MS4A8: variants seen among roughly 807,000 people sequenced by gnomAD.
The protein encoded by MS4A8 is membrane spanning 4-domains A8.
A neutral mutation model predicts 23.7 loss-of-function variants in MS4A8; 27 were observed. That is an observed-to-expected ratio of 1.14 (90% confidence interval 0.84 to 1.57). MS4A8 has a LOEUF of 1.57. MS4A8 is among the 40% of genes most tolerant of loss of function. The pLI is 0.00. For missense variants in MS4A8, 301 were observed against 311.4 expected, an observed-to-expected ratio of 0.97 and a Z score of 0.25; for synonymous variants, 138 against 126.3, an observed-to-expected ratio of 1.09 and a Z score of -0.62.
intron 3 of MS4A8, among the ~76,000 whole-genome samples, chr11:60,704,883 T>TAC (rs142872210): frequency 0.04 from 5,681 of 142,226 alleles, 333 homozygotes; most frequent in African/African-American, 0.14. Flanking sequence ...CACACACACA[T>TAC]ACACACACAC....
In MS4A8 at chr11:60,715,663, T is replaced by C. The variant is rs2134664613; in HGVS notation, c.*249T>C. 2.1e-6 allele frequency: 1 copy of C among 480,850 alleles called. No homozygotes were observed. Among genetic ancestry groups the C allele is most frequent in the Non-Finnish European group, 3.7e-6 (1 of 266,976 alleles). 29.8% of individuals were successfully genotyped at this position (480,850 alleles called of 1,614,324 possible). ...TAGGGCACATGCATCAGCACATATG[T>C]GGGCATCCAGCCTCTGGGGCCTTGG... On this transcript the variant is annotated 3_prime_UTR_variant, in exon 7 of 7. Coordinates refer to ENST00000300226, the MANE Select transcript of MS4A8 (RefSeq NM_031457.2).
In MS4A8 at chr11:60,715,045, G is replaced by A. The variant is rs560863829; in HGVS notation, c.559G>A (p.Val187Met). Residue 187 changes from valine (V) to methionine (M), a missense_variant, in exon 6 of 7, where the codon GTG (valine) becomes ATG (methionine). Physicochemically the swap from Val to Met is conservative, Grantham distance 21. Coordinates refer to ENST00000300226, the MANE Select transcript of MS4A8 (RefSeq NM_031457.2). ...GAACCCTGGAATGGCGATTTCTGGC[G>A]TGCTGCTGGTCTTCTGCCTCCTGGA... is the stretch of plus-strand genomic sequence containing the variant. ...GVNPGMAISG[V>M]LLVFCLLEFG... 342 of 1,613,914 alleles carry A rather than the reference G, an allele frequency of 2.1e-4. No homozygotes were observed. The highest frequency in any genetic ancestry group is 2.5e-4 in the Admixed American group (15 of 59,996).
At chr11:60,709,188 A>G in intron 5 of MS4A8, 1 of 233,616 alleles carries the variant, frequency 4.3e-6, no homozygotes, top group South Asian at 5.7e-5. Flanking sequence ...TCATGTAGCT[A>G]TAGCTGCCTT....
chr11:60,706,193 A>T (rs535166643), intron 3 of MS4A8, among the ~76,000 whole-genome samples: 1 of 152,330 alleles, frequency 6.6e-6, no homozygotes, highest in African/African-American at 2.4e-5. Flanking sequence ...TTTTCTAAAA[A>T]AGCATTTTCT....
chr11:60,703,762 G>A lies in MS4A8; in HGVS notation c.342+262G>A, dbSNP rs1344601877. On this transcript the variant is annotated intron_variant, in intron 3 of 6. Transcript: ENST00000300226. ...ACAGTTCTGGCGGCTGAAAGTCTGC[G>A]ATGGAGATGTTAGCAGATGTTTTCC... Among the ~76,000 whole-genome samples, 4 of 152,200 alleles carry A rather than the reference G, an allele frequency of 2.6e-5. No individual in the cohort carries two copies. The East Asian group carries it at 7.7e-4, about 29-fold the overall frequency.
At chr11:60,713,972 CG>C (rs1327354750) in intron 5 of MS4A8, among the ~76,000 whole-genome samples, 3 of 135,986 alleles carry the variant, frequency 2.2e-5, no homozygotes, top group Non-Finnish European at 4.5e-5. Context: ...GGCCGGACTG[CG>C]GACTGCAGTG....
intron 2 of MS4A8, 89 bp downstream of exon 2, chr11:60,701,168 A>G: frequency 8.0e-7 from 1 of 1,253,728 alleles, no homozygotes; most frequent in Admixed American, 1.9e-5. Flanking sequence ...CACAAACACT[A>G]CATCCCGCAA....
rs965063401 is a variant in MS4A8 at position 60,714,959 on chromosome 11, T to TGAGAG, written c.535-60_535-56dup. On this transcript the variant is annotated intron_variant, in intron 5 of 6. Coordinates refer to ENST00000300226, the MANE Select transcript of MS4A8 (RefSeq NM_031457.2). ...CAAAGAGTCCATGGCAGGGCCCCAG[T>TGAGAG]GAGAGGTCAGTTCGGACTCCCAGTC... 95 of 1,160,328 alleles carry TGAGAG rather than the reference T, an allele frequency of 8.2e-5. No homozygotes were observed. In the African/African-American group the frequency reaches 1.3e-3, roughly 16 times the overall value. The allele number at this position is 1,160,328 out of a possible 1,614,324, so 71.9% of individuals were successfully genotyped here. A position where few individuals can be genotyped will look rare whatever the true frequency, so the allele number is the denominator to read the frequency against.
intron 4 of MS4A8, among the ~76,000 whole-genome samples, chr11:60,707,412 G>C (rs1417959601): frequency 2.0e-5 from 3 of 152,210 alleles, no homozygotes; most frequent in East Asian, 1.9e-4. Flanking sequence ...AGCAGACCAG[G>C]AGCCAAGAGT....
intron 5 of MS4A8, chr11:60,711,908 A>G: frequency 2.2e-6 from 1 of 455,546 alleles, no homozygotes; most frequent in Non-Finnish European, 4.4e-6. Context: ...CAGTCATCCC[A>G]TCTGAACATG....
intron 2 of MS4A8, among the ~76,000 whole-genome samples, chr11:60,702,849 A>G (rs769131815): frequency 5.9e-5 from 9 of 152,236 alleles, no homozygotes; most frequent in Non-Finnish European, 8.8e-5. Context: ...ATTTCAACAC[A>G]TGAATTTGGA....
chr11:60,713,445 A>G lies in MS4A8; in HGVS notation c.535-1576A>G, dbSNP rs559700254. On this transcript the variant is annotated intron_variant, in intron 5 of 6. Transcript: ENST00000300226. ...TAAACACGTGAACAAATGTCTCTGC[A>G]TCATAAACAAGGTAAAGAAAAAAGT... Among the ~76,000 whole-genome samples, 190 of 152,300 alleles carry G rather than the reference A, an allele frequency of 1.2e-3. 1 individual carries two copies. Among genetic ancestry groups the G allele is most frequent in the Non-Finnish European group, 2.0e-3 (136 of 68,032 alleles).
At chr11:60,712,799 A>T (rs1187487682) in intron 5 of MS4A8, among the ~76,000 whole-genome samples, 1 of 152,062 alleles carries the variant, frequency 6.6e-6, no homozygotes, top group Non-Finnish European at 1.5e-5. Context: ...CTCAAAAAAA[A>T]AAAAAATTAA....
rs904556139 is a variant in MS4A8, at chr11:60,707,910, G to A, written c.403-740G>A. Among the ~76,000 whole-genome samples, 6 of 141,624 alleles carry A rather than the reference G, an allele frequency of 4.2e-5. No individual in the cohort carries two copies. In the South Asian group the frequency reaches 1.1e-3, roughly 27 times the overall value. The allele number at this position is 141,624 out of a possible 152,430, so 92.9% of individuals were successfully genotyped here. On this transcript the variant is annotated intron_variant, in intron 4 of 6. Coordinates refer to ENST00000300226, the MANE Select transcript of MS4A8 (RefSeq NM_031457.2). Reference sequence around the variant, plus strand: ...AGTGGTTTGATCTCAACTCACTGCAGCATCTGCCTCCTGGGTTCAAGCAAT... The same window carrying A: ...AGTGGTTTGATCTCAACTCACTGCAACATCTGCCTCCTGGGTTCAAGCAAT...
chr11:60,704,786 ATGGT>A (rs2088239330), intron 3 of MS4A8, among the ~76,000 whole-genome samples: 1 of 151,876 alleles, frequency 6.6e-6, no homozygotes, highest in African/African-American at 2.4e-5. Context: ...TATTACCTTT[ATGGT>A]TCCTTTGCAG....
At chr11:60,701,507 A>G (rs1464125725) in intron 2 of MS4A8, 4 of 355,982 alleles carry the variant, frequency 1.1e-5, no homozygotes, top group South Asian at 4.3e-5. Context: ...GGTCACCGCA[A>G]CCCCTGAGAG....
In MS4A8 at chr11:60,708,756, A is replaced by G. The variant is rs2088278491; in HGVS notation, c.509A>G (p.Asp170Gly). Residue 170 changes from aspartate (D) to glycine (G), a missense_variant, in exon 5 of 7, where the codon GAC becomes GGC. By Grantham distance (94) the Asp-to-Gly change is moderately conservative. Transcript: ENST00000300226. Reference protein sequence around the residue: ...LSIPHPYAYPDYYPYAWGVNP... With the variant: ...LSIPHPYAYPGYYPYAWGVNP... ...ATTCCCCACCCATATGCCTACCCCGACTATTATCCTTACGCCTGGGGTGTG... is the reference window on the plus strand; with the variant it reads ...ATTCCCCACCCATATGCCTACCCCGGCTATTATCCTTACGCCTGGGGTGTG... 6.2e-7 allele frequency: 1 copy of G among 1,613,836 alleles called. No individual in the cohort carries two copies. Among genetic ancestry groups the G allele is most frequent in the African/African-American group, 1.3e-5 (1 of 74,910 alleles).
chr11:60,704,995 C>T (rs1388897108), intron 3 of MS4A8, among the ~76,000 whole-genome samples: 1 of 152,140 alleles, frequency 6.6e-6, no homozygotes, highest in Non-Finnish European at 1.5e-5. Flanking sequence ...ACATGTGACA[C>T]TAATGCAACT....
intron 2 of MS4A8, among the ~76,000 whole-genome samples, chr11:60,702,642 G>A (rs563640839): frequency 1.2e-4 from 18 of 152,204 alleles, no homozygotes; most frequent in African/African-American, 2.9e-4. Flanking sequence ...CCTGTGATCC[G>A]CCCGTCTCAG....
Sources: allele counts gnomAD v4.1 joint callset (sites outside exome capture counted in the v4.1 genomes callset), GRCh38; gene constraint gnomAD v4.1.1; transcripts MANE v1.5; gene names NCBI Gene and HGNC (gene_info 2026-07-23, HGNC 2026-07-21).